ERC1: variants seen among roughly 807,000 people sequenced by gnomAD.
The protein encoded by ERC1 is RAB6 interacting protein 2.
A neutral mutation model predicts 132.0 loss-of-function variants in ERC1; 56 were observed. The observed-to-expected ratio is 0.42, with a 90% CI of 0.34 to 0.53. ERC1 has a LOEUF of 0.53. Ranked by LOEUF, ERC1 falls within the 20% of genes least tolerant of loss-of-function variation. The pLI, the probability that ERC1 is intolerant of heterozygous loss-of-function variation, is 0.03. For synonymous variants in ERC1, 478 were observed against 476.1 expected, an observed-to-expected ratio of 1.00 and a Z score of -0.05; for missense variants, 1,202 against 1,349.9, an observed-to-expected ratio of 0.89 and a Z score of 1.72.
In ERC1 at chr12:1,301,947, T is replaced by TA. The variant is rs145609904; in HGVS notation, c.2780+11936dup. On this transcript the variant is annotated intron_variant, in intron 15 of 18. Coordinates refer to ENST00000360905, the MANE Select transcript of ERC1 (RefSeq NM_178040.4). ...TTTAAGCAAGATGTAATACCAGTCT[T>TA]AGAGAAACTCATTCACAAAATAAAG... Among the ~76,000 whole-genome samples, 14 of 152,318 alleles carry TA rather than the reference T, an allele frequency of 9.2e-5. No individual in the cohort carries two copies. The East Asian group carries it at 2.1e-3, about 23-fold the overall frequency.
chr12:1,015,528 G>A (rs947435371), intron 1 of ERC1, among the ~76,000 whole-genome samples: 2 of 152,086 alleles, frequency 1.3e-5, no homozygotes, highest in Admixed American at 1.3e-4. Context: ...GAATATCATT[G>A]CACATTATGT....
intron 18 of ERC1, among the ~76,000 whole-genome samples, chr12:1,464,417 A>C (rs2093701310): frequency 6.6e-6 from 1 of 151,564 alleles, no homozygotes; most frequent in Non-Finnish European, 1.5e-5. Flanking sequence ...CCTACCCCAA[A>C]CTCACCAGGT....
intron 2 of ERC1, among the ~76,000 whole-genome samples, chr12:1,035,067 A>G (rs1483010660): frequency 6.6e-6 from 1 of 152,202 alleles, no homozygotes; most frequent in Non-Finnish European, 1.5e-5. Context: ...GAAGGGTGCA[A>G]TTTTAAAGTA....
intron 13 of ERC1, among the ~76,000 whole-genome samples, chr12:1,240,632 A>G (rs1048904654): frequency 2.0e-5 from 3 of 151,850 alleles, no homozygotes; most frequent in African/African-American, 7.2e-5. Flanking sequence ...CTCTTTTTTC[A>G]TATCTTTGCT....
chr12:1,336,514 G>C (rs963240887), intron 15 of ERC1, among the ~76,000 whole-genome samples: 4 of 152,174 alleles, frequency 2.6e-5, no homozygotes, highest in African/African-American at 9.7e-5. Flanking sequence ...TTATGCAAAA[G>C]TCATTCAGGA....
intron 1 of ERC1, among the ~76,000 whole-genome samples, chr12:1,019,056 G>A (rs939886305): frequency 2.0e-5 from 3 of 152,192 alleles, no homozygotes; most frequent in Non-Finnish European, 2.9e-5. Context: ...TGGATAAGTA[G>A]TAGTTTCAGA....
chr12:1,451,534 A>C (rs1411525051), intron 18 of ERC1, among the ~76,000 whole-genome samples: 1 of 152,164 alleles, frequency 6.6e-6, no homozygotes, highest in Non-Finnish European at 1.5e-5. Flanking sequence ...CCCAGGTGGG[A>C]GGATCACTTT....
chr12:1,174,461 G>A (rs984747801), intron 8 of ERC1, among the ~76,000 whole-genome samples: 1 of 152,212 alleles, frequency 6.6e-6, no homozygotes, highest in South Asian at 2.1e-4. Context: ...CCAAGAACTT[G>A]CTGACGGCAT....
At chr12:1,296,682 C>A (rs1041669874) in intron 15 of ERC1, among the ~76,000 whole-genome samples, 1 of 152,082 alleles carries the variant, frequency 6.6e-6, no homozygotes, top group Non-Finnish European at 1.5e-5. Context: ...TTACAGGCGT[C>A]AGCCACCGTG....
At chr12:1,070,864 A>T (rs1038683650) in intron 2 of ERC1, among the ~76,000 whole-genome samples, 5 of 152,256 alleles carry the variant, frequency 3.3e-5, no homozygotes, top group African/African-American at 1.2e-4. Context: ...AGTTCGCATC[A>T]TCCCTGCCCC....
Position 1,299,197 on chromosome 12 carries a change from C to T in ERC1, c.2780+9185C>T, listed in dbSNP as rs1480096171. ...TGACTTATTTAACATTTATAGAATA[C>T]TACATCTAACAACTGAAGAAAATAT... On this transcript the variant is annotated intron_variant, in intron 15 of 18. Transcript: ENST00000360905. Among the ~76,000 whole-genome samples, 11 of 152,110 alleles carry T rather than the reference C, an allele frequency of 7.2e-5. 1 individual carries two copies. Among genetic ancestry groups the T allele is most frequent in the Admixed American group, 6.5e-4 (10 of 15,274 alleles).
rs1367706209 is a variant in ERC1, at chr12:1,028,498, G to T, written c.595G>T (p.Ala199Ser). 6.2e-7 allele frequency: 1 copy of T among 1,614,152 alleles called. No homozygotes were observed. The highest frequency in any genetic ancestry group is 1.1e-5 in the South Asian group (1 of 91,082). Residue 199 changes from alanine to serine, a missense_variant, in exon 2 of 19, where the codon GCC becomes TCC. By Grantham distance (99) the Ala-to-Ser change is moderately conservative (BLOSUM62 1). Coordinates refer to ENST00000360905, the MANE Select transcript of ERC1 (RefSeq NM_178040.4). ...GAGCCCAGAGCTGAAGAAGGAACGA[G>T]CCCTGAGAAAAGATGAAGCTTCCAA... is the stretch of plus-strand genomic sequence containing the variant. ...FWSPELKKER[A>S]LRKDEASKIT...
intron 8 of ERC1, among the ~76,000 whole-genome samples, chr12:1,171,038 T>G (rs1006377427): frequency 1.3e-5 from 2 of 152,166 alleles, no homozygotes; most frequent in African/African-American, 4.8e-5. Context: ...TGAGAAAGAT[T>G]AAGCAATTTG....
intron 7 of ERC1, among the ~76,000 whole-genome samples, chr12:1,137,978 ATAG>A (rs1481538269): frequency 7.6e-6 from 1 of 131,000 alleles, no homozygotes; most frequent in African/African-American, 2.9e-5. Context: ...ATTATCATAT[ATAG>A]TATATATAAT....
intron 18 of ERC1, chr12:1,480,865 T>C: frequency 4.3e-6 from 3 of 702,500 alleles, no homozygotes; most frequent in Non-Finnish European, 7.8e-6. Flanking sequence ...CCCAAAGCCA[T>C]GGAAAAACTG....
rs1244802589 is a variant in ERC1, at chr12:1,183,195, A to C, written c.2017-86A>C. 5.8e-6 allele frequency: 5 copies of C among 857,484 alleles called. No homozygotes were observed. In the African/African-American group the frequency reaches 8.6e-5, roughly 15 times the overall value. The allele number at this position is 857,484 out of a possible 1,614,324, so 53.1% of individuals were successfully genotyped here. A position where few individuals can be genotyped will look rare whatever the true frequency, so the allele number is the denominator to read the frequency against. On this transcript the variant is annotated intron_variant, in intron 10 of 18. Coordinates refer to ENST00000360905, the MANE Select transcript of ERC1 (RefSeq NM_178040.4). ...TGTCAGCATTTGGTAATAGAAAGGA[A>C]ATTACAGCTACCATGATAAATTTAA...
intron 7 of ERC1, among the ~76,000 whole-genome samples, chr12:1,141,229 G>A (rs1949835635): frequency 6.6e-6 from 1 of 152,176 alleles, no homozygotes; most frequent in South Asian, 2.1e-4. Flanking sequence ...TGACTAGACT[G>A]TATTATCTGA....
At chr12:1,473,982 C>T (rs1047184278) in intron 18 of ERC1, among the ~76,000 whole-genome samples, 2 of 152,154 alleles carry the variant, frequency 1.3e-5, no homozygotes, top group African/African-American at 4.8e-5. Context: ...ATGTCTTATT[C>T]AATAGATGCT....
At chr12:1,332,025 T>C (rs1354385279) in intron 15 of ERC1, among the ~76,000 whole-genome samples, 1 of 152,254 alleles carries the variant, frequency 6.6e-6, no homozygotes, top group African/African-American at 2.4e-5. Context: ...AGAAAACTTC[T>C]TGTATTACTT....
Sources: gnomAD v4.1 joint callset for allele counts (sites outside exome capture counted in the v4.1 genomes callset) on GRCh38, gnomAD v4.1.1 for gene constraint, MANE v1.5 for transcripts, NCBI Gene and HGNC (gene_info 2026-07-23, HGNC 2026-07-21) for gene names.